DYNC2I1: variants seen among roughly 807,000 people sequenced by gnomAD.
DYNC2I1 encodes the protein cytoplasmic dynein 2 intermediate chain 1.
A neutral mutation model predicts 133.4 loss-of-function variants in DYNC2I1; 89 were observed. The ratio of observed to expected loss-of-function variants is 0.67; its 90% CI spans 0.56 to 0.80. The LOEUF is 0.80. Among genes scored for constraint, DYNC2I1 ranks in the 30% least tolerant of loss-of-function variants. The probability of loss-of-function intolerance (pLI) is 0.00; values close to 1 mark genes in which losing one functional copy is unlikely to be tolerated. For missense variants in DYNC2I1, 1,291 were observed against 1,314.5 expected (o/e 0.98, Z 0.28); for synonymous variants, 504 against 484.3 (o/e 1.04, Z -0.54).
At chr7:158,949,639 TGCAGGCGGC>T (rs34589534), downstream of DYNC2I1, among the ~76,000 whole-genome samples, 87,503 of 151,366 alleles carry the variant, frequency 0.58, 26,106 homozygotes, top group Non-Finnish European at 0.65. Context: ...GAGCAGGAGG[TGCAGGCGGC>T]GCGGCTTCAG....
rs1199907284 is a variant in DYNC2I1 at position 158,945,881 on chromosome 7, C to CT, written c.*103dup. 8.8e-7 allele frequency: 1 copy of CT among 1,132,538 alleles called. No homozygotes were observed. Among genetic ancestry groups the CT allele is most frequent in the Non-Finnish European group, 1.2e-6 (1 of 829,600 alleles). The allele number at this position is 1,132,538 out of a possible 1,614,324, so 70.2% of individuals were successfully genotyped here. The stretch of plus-strand genomic sequence containing the variant: ...GTGCAAGTATATTTATGTATATAGA[C>CT]TATGTATATTCTGTATATAATTTAT... On this transcript the variant is annotated 3_prime_UTR_variant, in exon 25 of 25. Coordinates refer to ENST00000407559, the MANE Select transcript of DYNC2I1 (RefSeq NM_018051.5). The surrounding 1 kb of genome is among the most constrained non-coding windows in gnomAD (Gnocchi z 4.1).
At chr7:158,943,726 C>G (rs540049396) in intron 24 of DYNC2I1, among the ~76,000 whole-genome samples, 2 of 152,086 alleles carry the variant, frequency 1.3e-5, no homozygotes, top group Non-Finnish European at 2.9e-5. Context: ...GGTTACGCAC[C>G]CTTCGGTTCT....
the DYNC2I1 span, among the ~76,000 whole-genome samples, chr7:158,844,551 A>T: frequency 6.6e-6 from 1 of 152,238 alleles, no homozygotes; most frequent in African/African-American, 2.4e-5. Context: ...GAAAGTTTTA[A>T]GAAAAAATGG....
chr7:158,892,404 A>G (rs2657362), intron 8 of DYNC2I1, among the ~76,000 whole-genome samples: 22,067 of 152,110 alleles, frequency 0.15, 1,841 homozygotes, highest in Middle Eastern at 0.24. Context: ...TAATGTGCCA[A>G]GAGGACCTTA....
At chr7:158,930,248 T>G (rs1266146211) in intron 20 of DYNC2I1, among the ~76,000 whole-genome samples, 1 of 152,194 alleles carries the variant, frequency 6.6e-6, no homozygotes, top group Non-Finnish European at 1.5e-5. Context: ...CATAAGACTT[T>G]GAACTGTGAA....
intron 6 of DYNC2I1, among the ~76,000 whole-genome samples, chr7:158,885,220 G>T (rs1171719480): frequency 2.6e-5 from 4 of 152,132 alleles, no homozygotes; most frequent in African/African-American, 7.2e-5. Context: ...GTGGGGGTCA[G>T]CCTTGGTTGG....
chr7:158,872,681 T>C (rs563422424), intron 3 of DYNC2I1, among the ~76,000 whole-genome samples: 1 of 151,514 alleles, frequency 6.6e-6, no homozygotes, highest in South Asian at 2.1e-4. Flanking sequence ...TTTCTCATTA[T>C]TAGCTAGAGT....
Position 158,896,776 on chromosome 7 carries a change from T to G in DYNC2I1, c.1060-4963T>G, listed in dbSNP as rs111939946. Among the ~76,000 whole-genome samples, 1,510 of 151,642 alleles carry G rather than the reference T, an allele frequency of 1.0e-2. 29 individuals are homozygous for G. The highest frequency in any genetic ancestry group is 0.034 in the African/African-American group (1,412 of 41,358). ...GTGTGAGCCACTGTGCCTGGCCCTA[T>G]GTGATTCTTTGTATACATTGTTGGC... On this transcript the variant is annotated intron_variant, in intron 8 of 24. Coordinates refer to ENST00000407559, the MANE Select transcript of DYNC2I1 (RefSeq NM_018051.5).
chr7:158,922,380 G>T lies in DYNC2I1; in HGVS notation c.1925G>T (p.Arg642Leu). 1.2e-6 allele frequency: 2 copies of T among 1,612,780 alleles called. No homozygotes were observed. The highest frequency in any genetic ancestry group is 1.7e-6 in the Non-Finnish European group (2 of 1,179,474). ...AACATATTTTTCTTCTCCCTAGATC[G>T]AAAAGTATCCTCCTTGCACACCTCC... is the stretch of plus-strand genomic sequence containing the variant. ...LNTSLPFLQN[R>L]KVSSLHTSRV... is the part of the protein sequence containing the mutation. Residue 642 changes from arginine to leucine, a missense_variant, in exon 16 of 25, where the codon CGA (arginine) becomes CTA (leucine). Arg to Leu is a moderately radical substitution (Grantham distance 102, BLOSUM62 -2). Coordinates refer to ENST00000407559, the MANE Select transcript of DYNC2I1 (RefSeq NM_018051.5).
intron 11 of DYNC2I1, among the ~76,000 whole-genome samples, chr7:158,909,345 A>T (rs915671735): frequency 5.9e-5 from 9 of 151,476 alleles, no homozygotes; most frequent in Non-Finnish European, 1.2e-4. Context: ...AAAAAAAAAA[A>T]AAAAAAAAAA....
At chr7:158,949,505 G>C (rs1171936264), downstream of DYNC2I1, among the ~76,000 whole-genome samples, 1 of 152,072 alleles carries the variant, frequency 6.6e-6, no homozygotes, top group East Asian at 1.9e-4. Flanking sequence ...ACCCCGCCCT[G>C]CTTGTTGGCA....
the DYNC2I1 span, among the ~76,000 whole-genome samples, chr7:158,842,381 A>G: frequency 0.015 from 2,229 of 152,314 alleles, 56 homozygotes; most frequent in African/African-American, 0.05. Flanking sequence ...AAGAGTAGGC[A>G]GCTCTTCTAG....
intron 8 of DYNC2I1, 50 bp from the exon 9 acceptor site, chr7:158,901,689 T>C (rs1846277308): frequency 8.2e-7 from 1 of 1,217,282 alleles, no homozygotes; most frequent in South Asian, 1.4e-5. Context: ...TTTGCAATAT[T>C]CAATTTTATG....
intron 10 of DYNC2I1, chr7:158,904,967 G>T: frequency 3.6e-6 from 1 of 280,278 alleles, no homozygotes; most frequent in Non-Finnish European, 7.0e-6. Flanking sequence ...ATATCCAAAA[G>T]GAATGAAAAG....
intron 1 of DYNC2I1, among the ~76,000 whole-genome samples, chr7:158,864,243 T>A (rs1842202818): frequency 6.6e-6 from 1 of 152,110 alleles, no homozygotes; most frequent in African/African-American, 2.4e-5. Context: ...ATTAGTTTCT[T>A]TTCTTTCTCA....
chr7:158,930,490 A>G lies in DYNC2I1; in HGVS notation c.2521A>G (p.Ser841Gly), dbSNP rs763248491. The change falls in exon 21 of 25, where the codon AGT becomes GGT. Residue 841 changes from serine (S) to glycine (G), a missense_variant. Ser to Gly is a moderately conservative substitution (Grantham distance 56). Transcript: ENST00000407559. The stretch of plus-strand genomic sequence containing the variant: ...TGGAGGGAGGGTCAAGCTGGTACAT[A>G]GTGCTCTGATCCAGTTGGGTGACAG... ...MPGGRVKLVHSALIQLGDSLS... is the reference protein window; with the variant it reads ...MPGGRVKLVHGALIQLGDSLS... 27 of 1,613,154 alleles carry G rather than the reference A, an allele frequency of 1.7e-5. No homozygotes were observed. The highest frequency in any genetic ancestry group is 2.3e-5 in the Non-Finnish European group (27 of 1,179,638).
the DYNC2I1 span, among the ~76,000 whole-genome samples, chr7:158,851,254 T>C: frequency 0.13 from 20,207 of 152,114 alleles, 2,472 homozygotes; most frequent in African/African-American, 0.32. Context: ...TATTTTTGGC[T>C]GGGCGCAGTG....
chr7:158,932,279 C>T (rs916235692), intron 21 of DYNC2I1, among the ~76,000 whole-genome samples: 18 of 152,080 alleles, frequency 1.2e-4, no homozygotes, highest in African/African-American at 4.3e-4. Flanking sequence ...AGGATGGGGG[C>T]AGCTTGGGGG....
At position 158,918,976 on chromosome 7, in the gene DYNC2I1, T is replaced by C; in HGVS notation, c.1921+107T>C. ...TATTTTAATGTGATGGGGTTTAATG[T>C]ACATAAAACTGAGAAAGACTGAGTT... On this transcript the variant is annotated intron_variant, in intron 15 of 24. Coordinates refer to ENST00000407559, the MANE Select transcript of DYNC2I1 (RefSeq NM_018051.5). 7 of 1,224,116 alleles carry C rather than the reference T, an allele frequency of 5.7e-6. No individual in the cohort carries two copies. In the South Asian group the frequency reaches 1.1e-4, roughly 18 times the overall value. 75.8% of individuals were successfully genotyped at this position (1,224,116 alleles called of 1,614,324 possible). A position where few individuals can be genotyped will look rare whatever the true frequency, so the allele number is the denominator to read the frequency against.
Sources: gnomAD v4.1 joint callset for allele counts (sites outside exome capture counted in the v4.1 genomes callset) on GRCh38, gnomAD v4.1.1 for gene constraint, Gnocchi (gnomAD v3.1) non-coding constraint, MANE v1.5 for transcripts, NCBI Gene and HGNC (gene_info 2026-07-23, HGNC 2026-07-21) for gene names.